The following TRPC4AP variants were observed in gnomAD, a reference collection of about 807,000 sequenced individuals.
The protein encoded by TRPC4AP is short transient receptor potential channel 4-associated protein.
TRPC4AP carries 45 observed loss-of-function variants against 99.0 expected under a neutral mutation model. The observed-to-expected ratio is 0.45, with a 90% confidence interval of 0.36 to 0.58. The LOEUF is 0.58. Among genes scored for constraint, TRPC4AP ranks in the 20% least tolerant of loss-of-function variants. The pLI is 0.00. For missense variants in TRPC4AP, 879 were observed against 985.3 expected (o/e 0.89, Z 1.44); for synonymous variants, 408 against 385.8 (o/e 1.06, Z -0.67).
At chr20:35,026,273 G>A (rs557940856) in intron 8 of TRPC4AP, among the ~76,000 whole-genome samples, 3 of 151,156 alleles carry the variant, frequency 2.0e-5, no homozygotes, top group Non-Finnish European at 4.4e-5. Context: ...GGAGTGCAGT[G>A]GCACAATCAC....
intron 8 of TRPC4AP, among the ~76,000 whole-genome samples, chr20:35,024,852 A>ACAT (rs1200046465): frequency 2.8e-5 from 2 of 70,234 alleles, no homozygotes; most frequent in African/African-American, 9.4e-5. Context: ...AAAAAAAAAA[A>ACAT]AAATTCTGTT....
intron 5 of TRPC4AP, 143 bp downstream of exon 5, chr20:35,054,833 T>G: frequency 1.4e-6 from 1 of 693,530 alleles, no homozygotes. Flanking sequence ...AGTCCTGATT[T>G]TCAGGCACAC....
At chr20:35,024,503 T>A (rs1319445509) in intron 8 of TRPC4AP, among the ~76,000 whole-genome samples, 2 of 152,156 alleles carry the variant, frequency 1.3e-5, no homozygotes, top group South Asian at 2.1e-4. Context: ...TCCCTTTTAT[T>A]GCTGAATAAT....
intron 9 of TRPC4AP, among the ~76,000 whole-genome samples, chr20:35,016,392 A>C (rs1309879632): frequency 6.6e-6 from 1 of 152,186 alleles, no homozygotes; most frequent in Non-Finnish European, 1.5e-5. Flanking sequence ...TCACAGAAGC[A>C]TGAGTTTGGG....
chr20:35,049,733 A>C (rs2083651046), intron 6 of TRPC4AP, 133 bp downstream of exon 6: 1 of 1,058,574 alleles, frequency 9.4e-7, no homozygotes. Flanking sequence ...CAAGTTTTAT[A>C]CTTGAATACA....
At chr20:35,039,926 T>C (rs769336553) in intron 7 of TRPC4AP, among the ~76,000 whole-genome samples, 1 of 151,056 alleles carries the variant, frequency 6.6e-6, no homozygotes, top group Non-Finnish European at 1.5e-5. Context: ...GATAATTACA[T>C]GTAAATTATC....
Position 35,069,387 on chromosome 20 carries a change from T to C in TRPC4AP, c.323A>G (p.Glu108Gly), listed in dbSNP as rs530484782. The change falls in exon 3 of 19, where the codon GAG becomes GGG. Residue 108 changes from glutamate to glycine, a missense_variant. Around this residue, in one of 3 missense-constraint regions of TRPC4AP, gnomAD observed 603 missense variants for 631.8 expected, o/e 0.95. Transcript: ENST00000252015. ...LKEISPLLSMEAMAFVTEERK... is the reference protein window; with the variant it reads ...LKEISPLLSMGAMAFVTEERK... ...CTCTTCAGTAACAAATGCCATAGCCTCCATGGAGAGAAGAGGAGAAATTTC... is the reference window on the plus strand; with the variant it reads ...CTCTTCAGTAACAAATGCCATAGCCCCCATGGAGAGAAGAGGAGAAATTTC... The C allele has an allele frequency of 1.2e-6, 2 of 1,611,314 alleles. No homozygotes were observed. Among genetic ancestry groups the C allele is most frequent in the Admixed American group, 3.3e-5 (2 of 59,774 alleles).
Position 35,007,139 on chromosome 20 carries a change from T to C in TRPC4AP, c.1686+411A>G, listed in dbSNP as rs148844507. Among the ~76,000 whole-genome samples the C allele has an allele frequency of 2.1e-3, 322 of 152,382 alleles. 3 individuals carry two copies. The highest frequency in any genetic ancestry group is 7.0e-3 in the African/African-American group (292 of 41,582). ...TGATTTGGATCAATTCTTTTCCACA[T>C]GGATTTTATAATTCGTGGGTCAGTT... is the stretch of plus-strand genomic sequence containing the variant. On this transcript the variant is annotated intron_variant, in intron 14 of 18. Transcript: ENST00000252015.
intron 1 of TRPC4AP, among the ~76,000 whole-genome samples, chr20:35,087,423 A>G (rs1226921185): frequency 3.3e-5 from 5 of 152,116 alleles, no homozygotes. Flanking sequence ...CAATAATCAT[A>G]AAGGAAGCAA....
chr20:35,003,158 G>A lies in TRPC4AP; in HGVS notation c.2382C>T (p.Phe794=). The part of the protein sequence containing the change: ...EEPYMDIDRD[F]TEE ...GCCTGGCCCAAGGTCACTCCTCAGTGAAGTCCCTGTCTATGTCCATGTAGG... is the reference window on the plus strand; with the variant it reads ...GCCTGGCCCAAGGTCACTCCTCAGTAAAGTCCCTGTCTATGTCCATGTAGG... Residue 794 remains phenylalanine (F), a synonymous_variant, in exon 19 of 19, where the codon TTC becomes TTT. Coordinates refer to ENST00000252015, the MANE Select transcript of TRPC4AP (RefSeq NM_015638.3). 1 of 1,614,200 alleles carries A rather than the reference G, an allele frequency of 6.2e-7. No individual in the cohort carries two copies. The highest frequency in any genetic ancestry group is 8.5e-7 in the Non-Finnish European group (1 of 1,180,018).
chr20:35,041,006 CAGAG>C (rs1298810382), intron 7 of TRPC4AP, among the ~76,000 whole-genome samples: 5 of 110,578 alleles, frequency 4.5e-5, no homozygotes, highest in Admixed American at 4.3e-4. Flanking sequence ...TCCTCAATGA[CAGAG>C]AGGAAAATTC....
chr20:35,038,900 G>A (rs906480258), intron 7 of TRPC4AP, among the ~76,000 whole-genome samples: 4 of 152,038 alleles, frequency 2.6e-5, no homozygotes, highest in Admixed American at 6.6e-5. Context: ...TGGCAAAACC[G>A]ATGTCTACTA....
intron 1 of TRPC4AP, among the ~76,000 whole-genome samples, chr20:35,084,480 G>C (rs568559483): frequency 8.4e-6 from 1 of 118,766 alleles, no homozygotes; most frequent in Non-Finnish European, 1.9e-5. Flanking sequence ...GTATATATGT[G>C]TATATATGTA....
At chr20:35,066,390 A>C (rs2084145988) in intron 3 of TRPC4AP, among the ~76,000 whole-genome samples, 1 of 152,184 alleles carries the variant, frequency 6.6e-6, no homozygotes, top group Non-Finnish European at 1.5e-5. Flanking sequence ...TACAGGCATG[A>C]GTCACTGTAC....
At chr20:35,025,190 C>G (rs1015964760) in intron 8 of TRPC4AP, among the ~76,000 whole-genome samples, 1 of 152,054 alleles carries the variant, frequency 6.6e-6, no homozygotes, top group African/African-American at 2.4e-5. Flanking sequence ...AGTACTATAT[C>G]ATTGTGGGGT....
chr20:35,054,198 T>TA (rs1189780456), intron 5 of TRPC4AP, among the ~76,000 whole-genome samples: 1 of 151,730 alleles, frequency 6.6e-6, no homozygotes, highest in Non-Finnish European at 1.5e-5. Context: ...TGTTTTTTTT[T>TA]TTTTATTTCC....
chr20:35,078,001 A>C, intron 2 of TRPC4AP, 45 bp downstream of exon 2: 1 of 1,539,358 alleles, frequency 6.5e-7, no homozygotes, highest in South Asian at 1.2e-5. Context: ...ATCTTGTGTC[A>C]CCTAGAGGCC....
chr20:35,004,321 C>T (rs2082468978), intron 17 of TRPC4AP, 137 bp downstream of exon 17: 1 of 738,746 alleles, frequency 1.4e-6, no homozygotes, highest in Non-Finnish European at 2.3e-6. Context: ...CTGATTCCTC[C>T]TGAGCACAGT....
chr20:35,032,868 C>A (rs1317205445), intron 8 of TRPC4AP, among the ~76,000 whole-genome samples: 1 of 152,080 alleles, frequency 6.6e-6, no homozygotes, highest in Non-Finnish European at 1.5e-5. Context: ...ATAGGTTACA[C>A]TTCCTGTTTT....
Sources: gnomAD v4.1 joint callset for allele counts (sites outside exome capture counted in the v4.1 genomes callset) on GRCh38, gnomAD v4.1.1 for gene constraint, gnomAD v4.1.1 regional missense constraint, MANE v1.5 for transcripts, NCBI Gene and HGNC (gene_info 2026-07-23, HGNC 2026-07-21) for gene names.